The following VSIG10L2 variants were observed in gnomAD, a reference collection of about 807,000 sequenced individuals.
VSIG10L2 encodes the protein V-set and immunoglobulin domain-containing protein 10-like 2.
Under a neutral mutation model 67.1 loss-of-function variants are expected in VSIG10L2, and 56 were observed. The ratio of observed to expected loss-of-function variants is 0.83; its 90% CI spans 0.67 to 1.04. VSIG10L2 has a LOEUF of 1.04. Ranked by LOEUF, VSIG10L2 falls within the 50% of genes least tolerant of loss-of-function variation. The probability of loss-of-function intolerance (pLI) is 0.00; values close to 1 mark genes in which losing one functional copy is unlikely to be tolerated. For missense variants in VSIG10L2, 843 were observed against 932.8 expected, an observed-to-expected ratio of 0.90 and a Z score of 1.25; for synonymous variants, 360 against 396.6, an observed-to-expected ratio of 0.91 and a Z score of 1.10.
Position 125,952,023 on chromosome 11 carries a change from G to A in VSIG10L2, c.1445G>A (p.Arg482Gln), listed in dbSNP as rs899113254. Residue 482 changes from arginine to glutamine, a missense_variant, in exon 6 of 12, where the codon CGG becomes CAG. By Grantham distance (43) the Arg-to-Gln change is conservative. Around this residue, in one of 2 missense-constraint regions of VSIG10L2, gnomAD observed 397 missense variants for 384.4 expected, o/e 1.03. Transcript: ENST00000686984. ...EDLAGREFTC[R>Q]GTHLLRTPDP... ...CTGGCTGGCAGAGAGTTCACCTGCC[G>A]GGGCACTCACCTGCTCAGGACCCCT... 77 of 1,535,932 alleles carry A rather than the reference G, an allele frequency of 5.0e-5. 1 individual carries two copies. Among genetic ancestry groups the A allele is most frequent in the Admixed American group, 2.0e-4 (10 of 50,986 alleles).
At position 125,947,735 on chromosome 11, in the gene VSIG10L2, C is replaced by T. The variant is rs1446757075; in HGVS notation, c.132C>T (p.Val44=). 10 of 1,232,200 alleles carry T rather than the reference C, an allele frequency of 8.1e-6. No homozygotes were observed. Among genetic ancestry groups the T allele is most frequent in the African/African-American group, 3.1e-5 (2 of 64,420 alleles). The allele number at this position is 1,232,200 out of a possible 1,614,324, so 76.3% of individuals were successfully genotyped here. The change falls in exon 2 of 12, where the codon GTC becomes GTT. Residue 44 remains valine (V), a synonymous_variant. Transcript: ENST00000686984. Reference sequence around the variant, plus strand: ...CCCCTGTAGAGGAGGTGGTGTCTGTCCAGGGAGTGCGAGGTGGCTCCGTGG... The same window carrying T: ...CCCCTGTAGAGGAGGTGGTGTCTGTTCAGGGAGTGCGAGGTGGCTCCGTGG... ...PEAPVEEVVS[V]QGVRGGSVEL...
rs1227132474 is a variant in VSIG10L2, at chr11:125,955,519, C to T, written c.2231+13C>T. On this transcript the variant is annotated intron_variant, in intron 10 of 11. Transcript: ENST00000686984. The stretch of plus-strand genomic sequence containing the variant: ...TGCTTGTTCCCACGTGAGTGTGGAA[C>T]CCCAGTCATCCTGGGGGCCAGGGCT... 5 of 1,103,920 alleles carry T rather than the reference C, an allele frequency of 4.5e-6. No individual in the cohort carries two copies. In the African/African-American group the frequency reaches 7.8e-5, roughly 17 times the overall value. The allele number at this position is 1,103,920 out of a possible 1,614,324, so 68.4% of individuals were successfully genotyped here. A position where few individuals can be genotyped will look rare whatever the true frequency, so the allele number is the denominator to read the frequency against.
At chr11:125,951,354 G>T (rs546905953) in intron 5 of VSIG10L2, among the ~76,000 whole-genome samples, 196 bp downstream of exon 5, 52 of 152,274 alleles carry the variant, frequency 3.4e-4, no homozygotes, top group African/African-American at 1.2e-3. Flanking sequence ...ACTGTGCTCT[G>T]TTCCCCTCAC....
In VSIG10L2 at chr11:125,948,595, G is replaced by C; in HGVS notation, c.709+15G>C. 8.1e-7 allele frequency: 1 copy of C among 1,232,134 alleles called. No individual in the cohort carries two copies. The highest frequency in any genetic ancestry group is 1.0e-6 in the Non-Finnish European group (1 of 988,092). 76.3% of individuals were successfully genotyped at this position (1,232,134 alleles called of 1,614,324 possible). A position where few individuals can be genotyped will look rare whatever the true frequency, so the allele number is the denominator to read the frequency against. ...GGACGTCATTTGTGAGTCAGACTGT[G>C]GTGGGGGGGCTGTCAGGGCTGACAC... On this transcript the variant is annotated intron_variant, in intron 3 of 11. Coordinates refer to ENST00000686984, the MANE Select transcript of VSIG10L2 (RefSeq NM_001365077.2).
chr11:125,946,062 G>C lies in VSIG10L2; in HGVS notation c.7G>C (p.Gly3Arg), dbSNP rs1295836655. MVGQRAQHSPVSL... is the reference protein window; with the variant it reads MVRQRAQHSPVSL... ...CCATCAGGGAGATGGGGCCATGGTGGGTCAGAGGGCCCAGCACAGCCCAGT... is the reference window on the plus strand; with the variant it reads ...CCATCAGGGAGATGGGGCCATGGTGCGTCAGAGGGCCCAGCACAGCCCAGT... The change falls in exon 1 of 12, where the codon GGT (glycine) becomes CGT (arginine). Residue 3 changes from glycine to arginine, a missense_variant. Physicochemically the swap from Gly to Arg is moderately radical, Grantham distance 125. Around this residue, in one of 2 missense-constraint regions of VSIG10L2, gnomAD observed 446 missense variants for 548.4 expected, o/e 0.81. Coordinates refer to ENST00000686984, the MANE Select transcript of VSIG10L2 (RefSeq NM_001365077.2). This position sits in a 1 kb window ranked among gnomAD's most constrained non-coding sequence, Gnocchi z 4.4. 1.5e-5 allele frequency: 6 copies of C among 399,136 alleles called. No individual in the cohort carries two copies. The highest frequency in any genetic ancestry group is 2.7e-5 in the Non-Finnish European group (6 of 226,348). The allele number at this position is 399,136 out of a possible 1,614,324, so 24.7% of individuals were successfully genotyped here. A position where few individuals can be genotyped will look rare whatever the true frequency, so the allele number is the denominator to read the frequency against.
chr11:125,955,282 G>A, intron 9 of VSIG10L2, 103 bp downstream of exon 9: 1 of 1,302,824 alleles, frequency 7.7e-7, no homozygotes, highest in Non-Finnish European at 9.8e-7. Context: ...GAAGAATCTA[G>A]GCTCTTCCTT....
In VSIG10L2 at chr11:125,955,846, T is replaced by C. The variant is rs1444678708; in HGVS notation, c.2314T>C (p.Leu772=). The change falls in exon 12 of 12, where the codon TTG becomes CTG. Residue 772 remains leucine (L), a synonymous_variant. Transcript: ENST00000686984. ...TGAAACACCAACCACCACCCCAGGT[T>C]TGGATCCTGCACAAGAAACCACGGA... ...GLETPTTTPG[L]DPAQETTDSP... 2 of 707,798 alleles carry C rather than the reference T, an allele frequency of 2.8e-6. No homozygotes were observed. Among genetic ancestry groups the C allele is most frequent in the Non-Finnish European group, 5.1e-6 (2 of 392,408 alleles). The allele number at this position is 707,798 out of a possible 1,614,324, so 43.8% of individuals were successfully genotyped here. A position where few individuals can be genotyped will look rare whatever the true frequency, so the allele number is the denominator to read the frequency against.
Position 125,955,043 on chromosome 11 carries a change from C to T in VSIG10L2, c.2084-14C>T. The T allele has an allele frequency of 8.1e-7, 1 of 1,234,474 alleles. No homozygotes were observed. Among genetic ancestry groups the T allele is most frequent in the Non-Finnish European group, 1.0e-6 (1 of 989,790 alleles). The allele number at this position is 1,234,474 out of a possible 1,614,324, so 76.5% of individuals were successfully genotyped here. On this transcript the variant is annotated splice_polypyrimidine_tract_variant and intron_variant, in intron 8 of 11. Transcript: ENST00000686984. ...GTGGCTCTAAACCATGGAACCTGTG[C>T]TCTCCCCTCCTAGCGGACCCCCCCT...
Position 125,953,519 on chromosome 11 carries a change from C to G in VSIG10L2, c.1615C>G (p.Gln539Glu), listed in dbSNP as rs902603613. The G allele has an allele frequency of 5.7e-6, 7 of 1,232,222 alleles. No homozygotes were observed. Among genetic ancestry groups the G allele is most frequent in the Non-Finnish European group, 7.1e-6 (7 of 988,068 alleles). The allele number at this position is 1,232,222 out of a possible 1,614,324, so 76.3% of individuals were successfully genotyped here. A position where few individuals can be genotyped will look rare whatever the true frequency, so the allele number is the denominator to read the frequency against. ...TGCCCAGCTCCTCTGGCTGGGGCCT[C>G]AACAACAAAAAGTGGACCCCGGCAC... is the stretch of plus-strand genomic sequence containing the variant. ...PPAQLLWLGP[Q>E]QQKVDPGTSG... is the part of the protein sequence containing the mutation. The change falls in exon 7 of 12, where the codon CAA (glutamine) becomes GAA (glutamate). Residue 539 changes from glutamine (Q) to glutamate (E), a missense_variant. Physicochemically the swap from Gln to Glu is conservative, Grantham distance 29. Transcript: ENST00000686984.
At position 125,956,150 on chromosome 11, in the gene VSIG10L2, G is replaced by T. The variant is rs774586259; in HGVS notation, c.*236G>T. ...GACAGAGGTGGCAGGACAAGGAAGA[G>T]GACCCACAATGGGGAGACAGGGATC... On this transcript the variant is annotated 3_prime_UTR_variant, in exon 12 of 12. Coordinates refer to ENST00000686984, the MANE Select transcript of VSIG10L2 (RefSeq NM_001365077.2). 1.8e-5 allele frequency: 12 copies of T among 654,154 alleles called. No homozygotes were observed. The highest frequency in any genetic ancestry group is 1.8e-4 in the South Asian group (12 of 66,298). The allele number at this position is 654,154 out of a possible 1,614,324, so 40.5% of individuals were successfully genotyped here. A position where few individuals can be genotyped will look rare whatever the true frequency, so the allele number is the denominator to read the frequency against.
In VSIG10L2 at chr11:125,948,335, G is replaced by A; in HGVS notation, c.464G>A (p.Ser155Asn). Reference sequence around the variant, plus strand: ...GTGTCCAAGCCTCAAGTGCGACTGAGTAACCCGTCCCCTGTGGAGGGAGCC... The same window carrying A: ...GTGTCCAAGCCTCAAGTGCGACTGAATAACCCGTCCCCTGTGGAGGGAGCC... The part of the protein sequence containing the change: ...VPVSKPQVRL[S>N]NPSPVEGASV... Residue 155 changes from serine to asparagine, a missense_variant, in exon 3 of 12, where the codon AGT (serine) becomes AAT (asparagine). This residue lies in a region of VSIG10L2 where 446 missense variants were observed against 548.4 expected (regional missense o/e 0.81). Transcript: ENST00000686984. 1.6e-6 allele frequency: 2 copies of A among 1,232,656 alleles called. No homozygotes were observed. The highest frequency in any genetic ancestry group is 2.0e-6 in the Non-Finnish European group (2 of 988,360). 76.4% of individuals were successfully genotyped at this position (1,232,656 alleles called of 1,614,324 possible).
At chr11:125,950,367 G>T (rs1945351681) in intron 4 of VSIG10L2, 78 bp downstream of exon 4, 1 of 1,220,962 alleles carries the variant, frequency 8.2e-7, no homozygotes. Flanking sequence ...GCTGTTCTGG[G>T]GCAGACCCCG....
intron 9 of VSIG10L2, among the ~76,000 whole-genome samples, 42 bp from the exon 10 acceptor site, chr11:125,955,440 T>C (rs1469268910): frequency 1.3e-5 from 2 of 152,202 alleles, no homozygotes; most frequent in African/African-American, 4.8e-5. Flanking sequence ...GGATCTCTGC[T>C]GGGCTGGCCA....
At position 125,947,981 on chromosome 11, in the gene VSIG10L2, C is replaced by A. The variant is rs542019870; in HGVS notation, c.378C>A (p.His126Gln). Residue 126 changes from histidine (H) to glutamine (Q), a missense_variant, in exon 2 of 12, where the codon CAC becomes CAA. This residue lies in a region of VSIG10L2 where 446 missense variants were observed against 548.4 expected (regional missense o/e 0.81). Transcript: ENST00000686984. Reference protein sequence around the residue: ...ARGHFLCQVLHVAGGQLHAAY... With the variant: ...ARGHFLCQVLQVAGGQLHAAY... ...GCCACTTCCTATGCCAGGTTCTGCA[C>A]GTGGCTGGCGGCCAGCTCCACGCTG... The A allele has an allele frequency of 4.1e-6, 5 of 1,232,150 alleles. No individual in the cohort carries two copies. Among genetic ancestry groups the A allele is most frequent in the Non-Finnish European group, 5.1e-6 (5 of 988,058 alleles). The allele number at this position is 1,232,150 out of a possible 1,614,324, so 76.3% of individuals were successfully genotyped here. A position where few individuals can be genotyped will look rare whatever the true frequency, so the allele number is the denominator to read the frequency against.
chr11:125,953,607 C>T lies in VSIG10L2; in HGVS notation c.1703C>T (p.Pro568Leu), dbSNP rs570426023. Residue 568 changes from proline to leucine, a missense_variant, in exon 7 of 12, where the codon CCG (proline) becomes CTG (leucine). Physicochemically the swap from Pro to Leu is moderately conservative, Grantham distance 98. Transcript: ENST00000686984. ...CGCCTGGGCATCTACGATGCTGACC[C>T]GGCACACCACAGGGGCACCTACCAA... ...QLRLGIYDAD[P>L]AHHRGTYQCV... The T allele has an allele frequency of 4.5e-5, 56 of 1,232,196 alleles. No homozygotes were observed. The South Asian group carries it at 1.2e-3, about 25-fold the overall frequency. 76.3% of individuals were successfully genotyped at this position (1,232,196 alleles called of 1,614,324 possible). A position where few individuals can be genotyped will look rare whatever the true frequency, so the allele number is the denominator to read the frequency against.
rs1945439037 is a variant in VSIG10L2 at position 125,955,050 on chromosome 11, C to A, written c.2084-7C>A. 1 of 1,234,958 alleles carries A rather than the reference C, an allele frequency of 8.1e-7. No individual in the cohort carries two copies. The highest frequency in any genetic ancestry group is 1.0e-6 in the Non-Finnish European group (1 of 990,078). The allele number at this position is 1,234,958 out of a possible 1,614,324, so 76.5% of individuals were successfully genotyped here. Reference sequence around the variant, plus strand: ...TAAACCATGGAACCTGTGCTCTCCCCTCCTAGCGGACCCCCCCTTCAGCGC... The same window carrying A: ...TAAACCATGGAACCTGTGCTCTCCCATCCTAGCGGACCCCCCCTTCAGCGC... On this transcript the variant is annotated splice_region_variant and splice_polypyrimidine_tract_variant and intron_variant, in intron 8 of 11. Coordinates refer to ENST00000686984, the MANE Select transcript of VSIG10L2 (RefSeq NM_001365077.2).
At position 125,956,195 on chromosome 11, in the gene VSIG10L2, G is replaced by A. The variant is rs572806435; in HGVS notation, c.*281G>A. 9 of 595,990 alleles carry A rather than the reference G, an allele frequency of 1.5e-5. No homozygotes were observed. Among genetic ancestry groups the A allele is most frequent in the South Asian group, 1.2e-4 (8 of 65,784 alleles). The allele number at this position is 595,990 out of a possible 1,614,324, so 36.9% of individuals were successfully genotyped here. On this transcript the variant is annotated 3_prime_UTR_variant, in exon 12 of 12. Coordinates refer to ENST00000686984, the MANE Select transcript of VSIG10L2 (RefSeq NM_001365077.2). ...GGGATCTCTGGGTGTCTGAGGGCAA[G>A]TGAAAGCCATGGTACTGGGAAGGAT...
chr11:125,953,187 A>G (rs770548296), intron 6 of VSIG10L2, among the ~76,000 whole-genome samples: 1 of 152,072 alleles, frequency 6.6e-6, no homozygotes, highest in Non-Finnish European at 1.5e-5. Flanking sequence ...AACACTGCTG[A>G]TTTCATCATA....
chr11:125,951,271 C>A, intron 5 of VSIG10L2, 113 bp downstream of exon 5: 2 of 1,020,054 alleles, frequency 2.0e-6, no homozygotes, highest in Non-Finnish European at 2.5e-6. Context: ...CCGCAGGCTC[C>A]AAAACACGCC....
Sources: allele counts gnomAD v4.1 joint callset (sites outside exome capture counted in the v4.1 genomes callset), GRCh38; gene constraint gnomAD v4.1.1; regional missense constraint gnomAD v4.1.1; non-coding constraint Gnocchi (gnomAD v3.1); transcripts MANE v1.5; gene names NCBI Gene and HGNC (gene_info 2026-07-23, HGNC 2026-07-21).